The following GNG12 variants were observed in gnomAD, a reference collection of about 807,000 sequenced individuals.
The protein encoded by GNG12 is guanine nucleotide-binding protein G(I)/G(S)/G(O) subunit gamma-12.
For synonymous variants in GNG12, 28 were observed against 29.7 expected, an observed-to-expected ratio of 0.94 and a Z score of 0.19; for missense variants, 69 against 83.8, an observed-to-expected ratio of 0.82 and a Z score of 0.69.
At chr1:67,789,126 G>A (rs1225721688) in intron 1 of GNG12, among the ~76,000 whole-genome samples, 1 of 152,110 alleles carries the variant, frequency 6.6e-6, no homozygotes, top group Non-Finnish European at 1.5e-5. Context: ...TAAAATAGGC[G>A]ACATGGCCTT....
rs542177305 is a variant in GNG12, at chr1:67,741,240, G to T, written c.-26-33528C>A. On this transcript the variant is annotated intron_variant, in intron 2 of 3. Coordinates refer to ENST00000370982, the MANE Select transcript of GNG12 (RefSeq NM_018841.6). ...CTTAAGGTTTTGTTTGCTTTTTAAA[G>T]CTTCTCTGGCCTTTGGGAGAAATAA... Among the ~76,000 whole-genome samples the T allele has an allele frequency of 2.0e-5, 3 of 152,196 alleles. No homozygotes were observed. In the East Asian group the frequency reaches 5.8e-4, roughly 29 times the overall value.
intron 2 of GNG12, among the ~76,000 whole-genome samples, chr1:67,743,852 T>G (rs1374611516): frequency 6.6e-6 from 1 of 152,154 alleles, no homozygotes; most frequent in East Asian, 1.9e-4. Flanking sequence ...TTTAAGAGAT[T>G]GAGAATGTTA....
intron 1 of GNG12, among the ~76,000 whole-genome samples, chr1:67,791,788 A>C (rs112861233): frequency 3.9e-5 from 6 of 152,058 alleles, no homozygotes; most frequent in Non-Finnish European, 8.8e-5. Flanking sequence ...TCAACCCCCC[A>C]TCTAGTTTCC....
chr1:67,762,684 GT>G (rs944717278), intron 2 of GNG12, among the ~76,000 whole-genome samples: 17 of 151,962 alleles, frequency 1.1e-4, no homozygotes, highest in Non-Finnish European at 2.5e-4. Context: ...TCTTTTTAAA[GT>G]TTTTTTCCCT....
rs1237476959 is a variant in GNG12, at chr1:67,704,446, A to G, written c.*1005T>C. 1.3e-5 allele frequency: 2 copies of G among 152,408 alleles called. No homozygotes were observed. Among genetic ancestry groups the G allele is most frequent in the African/African-American group, 4.8e-5 (2 of 41,452 alleles). The allele number at this position is 152,408 out of a possible 1,614,324, so 9.4% of individuals were successfully genotyped here. Reference sequence around the variant, plus strand: ...ACAGGGAAGGCAGAGAGAGCAAGACAGAGGGCTCAATCACAAAGCTGGGAC... The same window carrying G: ...ACAGGGAAGGCAGAGAGAGCAAGACGGAGGGCTCAATCACAAAGCTGGGAC... On this transcript the variant is annotated 3_prime_UTR_variant, in exon 4 of 4. Transcript: ENST00000370982.
At chr1:67,781,869 C>T (rs950442280) in intron 1 of GNG12, among the ~76,000 whole-genome samples, 1 of 152,072 alleles carries the variant, frequency 6.6e-6, no homozygotes, top group African/African-American at 2.4e-5. Context: ...CTGATGTGAT[C>T]TAGTTAACTT....
chr1:67,804,177 G>A (rs954564494), intron 1 of GNG12, among the ~76,000 whole-genome samples: 1 of 152,132 alleles, frequency 6.6e-6, no homozygotes, highest in African/African-American at 2.4e-5. Flanking sequence ...ATGAATTCCT[G>A]GTGGAATTAA....
At chr1:67,756,043 C>A (rs1258001840) in intron 2 of GNG12, among the ~76,000 whole-genome samples, 1 of 152,112 alleles carries the variant, frequency 6.6e-6, no homozygotes, top group African/African-American at 2.4e-5. Context: ...TTGTGCCTGG[C>A]CCTGGGGCTC....
At chr1:67,784,573 ATGTT>A (rs1443291758) in intron 1 of GNG12, among the ~76,000 whole-genome samples, 1 of 152,036 alleles carries the variant, frequency 6.6e-6, no homozygotes, top group Non-Finnish European at 1.5e-5. Flanking sequence ...ACATTTTTAC[ATGTT>A]TGTTTATTAA....
At chr1:67,719,658 G>C (rs1018415175) in intron 2 of GNG12, among the ~76,000 whole-genome samples, 4 of 152,180 alleles carry the variant, frequency 2.6e-5, no homozygotes, top group African/African-American at 9.7e-5. Context: ...GCCAGCTACT[G>C]TGTCAAGTAC....
chr1:67,736,890 G>A (rs1198201448), intron 2 of GNG12, among the ~76,000 whole-genome samples: 1 of 152,226 alleles, frequency 6.6e-6, no homozygotes, highest in African/African-American at 2.4e-5. Context: ...AGCACCAAAT[G>A]TGTGTGCCTG....
chr1:67,777,056 T>C (rs1291601167), intron 2 of GNG12: 1 of 152,020 alleles, frequency 6.6e-6, no homozygotes, highest in East Asian at 1.9e-4. Context: ...TAATAAAGAG[T>C]AGAGCCCCAG....
At chr1:67,707,377 G>A (rs1330391677) in intron 3 of GNG12, among the ~76,000 whole-genome samples, 2 of 152,220 alleles carry the variant, frequency 1.3e-5, no homozygotes, top group Non-Finnish European at 2.9e-5. Flanking sequence ...CCTGTCCAGA[G>A]TTTTACAAAC....
chr1:67,732,713 A>G (rs1228091354), intron 2 of GNG12, among the ~76,000 whole-genome samples: 1 of 152,220 alleles, frequency 6.6e-6, no homozygotes, highest in Non-Finnish European at 1.5e-5. Context: ...AAACTGAGGC[A>G]AAAGGAGATT....
Position 67,709,341 on chromosome 1 carries a change from C to G in GNG12, c.-26-1629G>C, listed in dbSNP as rs937730108. On this transcript the variant is annotated intron_variant, in intron 2 of 3. Coordinates refer to ENST00000370982, the MANE Select transcript of GNG12 (RefSeq NM_018841.6). ...GTTCTGCACCTCCCCAACAAGTGGT[C>G]AATGAGCCTCAAGGGTTTTGATTGA... 5.3e-5 allele frequency among the ~76,000 whole-genome samples: 8 copies of G among 152,134 alleles called. No homozygotes were observed. The East Asian group carries it at 9.6e-4, about 18-fold the overall frequency.
At chr1:67,780,460 G>A (rs1557614981) in intron 1 of GNG12, among the ~76,000 whole-genome samples, 1 of 152,060 alleles carries the variant, frequency 6.6e-6, no homozygotes, top group Non-Finnish European at 1.5e-5. Flanking sequence ...CCCCCAACAG[G>A]TTTGCAGAAT....
chr1:67,812,246 A>G (rs994619275), intron 1 of GNG12, among the ~76,000 whole-genome samples: 3 of 152,206 alleles, frequency 2.0e-5, no homozygotes, highest in African/African-American at 7.2e-5. Context: ...AAAAATCTGT[A>G]TCAAAACCAA....
At chr1:67,787,489 A>G (rs1187679589) in intron 1 of GNG12, among the ~76,000 whole-genome samples, 1 of 152,184 alleles carries the variant, frequency 6.6e-6, no homozygotes, top group Non-Finnish European at 1.5e-5. Flanking sequence ...GGCAAAACCT[A>G]AAGGAGGTAA....
At chr1:67,781,001 T>C (rs988378585) in intron 1 of GNG12, among the ~76,000 whole-genome samples, 1 of 152,220 alleles carries the variant, frequency 6.6e-6, no homozygotes. Flanking sequence ...CATTACTATC[T>C]AAACTCCCCT....
Sources: allele counts gnomAD v4.1 joint callset (sites outside exome capture counted in the v4.1 genomes callset), GRCh38; gene constraint gnomAD v4.1.1; transcripts MANE v1.5; gene names NCBI Gene and HGNC (gene_info 2026-07-23, HGNC 2026-07-21).